CAMK2A: variants seen among roughly 807,000 people sequenced by gnomAD.
CAMK2A encodes calcium/calmodulin-dependent protein kinase type II subunit alpha.
CAMK2A carries 7 observed loss-of-function variants against 79.2 expected under a neutral mutation model. The ratio of observed to expected loss-of-function variants is 0.09; its 90% CI spans 0.05 to 0.17. The LOEUF (loss-of-function observed/expected upper bound fraction) is 0.17, where lower values mean the gene tolerates loss of function less well. Ranked by LOEUF, CAMK2A falls within the 10% of genes least tolerant of loss-of-function variation. The pLI is 1.00. For missense variants in CAMK2A, 214 were observed against 646.4 expected, an observed-to-expected ratio of 0.33 and a Z score of 7.25; for synonymous variants, 242 against 251.7, an observed-to-expected ratio of 0.96 and a Z score of 0.36.
intron 1 of CAMK2A, among the ~76,000 whole-genome samples, chr5:150,286,419 C>T (rs573611910): frequency 6.6e-6 from 1 of 152,356 alleles, no homozygotes; most frequent in East Asian, 1.9e-4. Context: ...ATAGCCAGCC[C>T]TATCCGGGGC....
intron 14 of CAMK2A, among the ~76,000 whole-genome samples, chr5:150,239,190 G>A (rs1755228789): frequency 6.6e-6 from 1 of 152,088 alleles, no homozygotes; most frequent in Non-Finnish European, 1.5e-5. Flanking sequence ...GTGAGACAGC[G>A]ATGGAACCAG....
chr5:150,283,024 T>A (rs1757278465), intron 1 of CAMK2A, among the ~76,000 whole-genome samples: 3 of 152,214 alleles, frequency 2.0e-5, no homozygotes, highest in East Asian at 1.9e-4. Context: ...TCTGCAGACA[T>A]AAGATGTTGG....
chr5:150,268,426 G>A (rs1409228142), intron 2 of CAMK2A, among the ~76,000 whole-genome samples: 1 of 152,082 alleles, frequency 6.6e-6, no homozygotes, highest in African/African-American at 2.4e-5. Context: ...GGCAGGCCCC[G>A]GCACAACGTC....
chr5:150,228,146 G>T, intron 17 of CAMK2A, 46 bp downstream of exon 17: 1 of 1,503,218 alleles, frequency 6.7e-7, no homozygotes, highest in Non-Finnish European at 9.2e-7. Flanking sequence ...GCAGGACATG[G>T]AACGAGAGCA....
chr5:150,272,525 T>G (rs112300282), intron 2 of CAMK2A, among the ~76,000 whole-genome samples: 27,260 of 147,068 alleles, frequency 0.19, 2,584 homozygotes, highest in East Asian at 0.21. Context: ...TGAGCCAAGA[T>G]CGCACCATTG....
At chr5:150,288,907 G>A (rs936108670) in intron 1 of CAMK2A, among the ~76,000 whole-genome samples, 5 of 152,164 alleles carry the variant, frequency 3.3e-5, no homozygotes, top group Admixed American at 6.5e-5. Context: ...TCATACCCTA[G>A]CCCCTGAAAC....
At chr5:150,260,796 A>G (rs1216959178) in intron 3 of CAMK2A, among the ~76,000 whole-genome samples, 5 of 152,236 alleles carry the variant, frequency 3.3e-5, no homozygotes, top group Admixed American at 6.5e-5. Flanking sequence ...TATCTGCAAT[A>G]AACTTGTATT....
intron 15 of CAMK2A, among the ~76,000 whole-genome samples, chr5:150,233,600 G>A (rs974813223): frequency 6.6e-6 from 1 of 152,142 alleles, no homozygotes; most frequent in African/African-American, 2.4e-5. Context: ...GAATGAATGA[G>A]TGAATGGGAC....
chr5:150,250,576 G>T, intron 10 of CAMK2A, 112 bp downstream of exon 10: 1 of 1,435,090 alleles, frequency 7.0e-7, no homozygotes, highest in South Asian at 1.3e-5. Context: ...GCAGTCTCTT[G>T]GATTAAGCCC....
chr5:150,227,789 G>T lies in CAMK2A; in HGVS notation c.1237+403C>A, dbSNP rs553934493. On this transcript the variant is annotated intron_variant, in intron 17 of 18. Transcript: ENST00000671881. ...CGTAACAACCCACCAGCCAGCTTGT[G>T]ACCAGCTGGGCAGCTGGGATGGCCC... is the stretch of plus-strand genomic sequence containing the variant. Among the ~76,000 whole-genome samples the T allele has an allele frequency of 2.0e-5, 3 of 152,330 alleles. No individual in the cohort carries two copies. The East Asian group carries it at 5.8e-4, about 29-fold the overall frequency.
intron 3 of CAMK2A, among the ~76,000 whole-genome samples, chr5:150,262,243 C>T (rs1025901031): frequency 4.6e-5 from 7 of 152,172 alleles, no homozygotes; most frequent in African/African-American, 1.2e-4. Context: ...ACAGAAGCAG[C>T]GACCAGTAGT....
intron 1 of CAMK2A, among the ~76,000 whole-genome samples, chr5:150,277,162 T>TGA (rs1478535039): frequency 6.6e-6 from 1 of 152,122 alleles, no homozygotes; most frequent in Admixed American, 6.5e-5. Flanking sequence ...TGCAGTGAGC[T>TGA]GAGATAGCAT....
At chr5:150,278,090 C>T (rs752899834) in intron 1 of CAMK2A, among the ~76,000 whole-genome samples, 3 of 152,206 alleles carry the variant, frequency 2.0e-5, no homozygotes, top group Non-Finnish European at 2.9e-5. Context: ...CACCTTTCTG[C>T]GTCTTCCTGT....
At chr5:150,268,121 G>T (rs946807318) in intron 2 of CAMK2A, among the ~76,000 whole-genome samples, 8 of 151,964 alleles carry the variant, frequency 5.3e-5, no homozygotes, top group Non-Finnish European at 1.2e-4. Flanking sequence ...CTTGTGATCC[G>T]CCCGCCTTGC....
chr5:150,231,181 C>G (rs1754822147), intron 16 of CAMK2A, 124 bp downstream of exon 16: 1 of 502,460 alleles, frequency 2.0e-6, no homozygotes, highest in African/African-American at 2.0e-5. Context: ...TGAGTTCAGC[C>G]CGATTCACAG....
intron 2 of CAMK2A, among the ~76,000 whole-genome samples, chr5:150,270,605 G>A (rs574492901): frequency 7.5e-5 from 10 of 133,016 alleles, no homozygotes; most frequent in African/African-American, 2.2e-4. Context: ...CCCCGCCCCC[G>A]AGGCACCATG....
At chr5:150,239,174 G>A (rs886187683) in intron 14 of CAMK2A, among the ~76,000 whole-genome samples, 4 of 152,100 alleles carry the variant, frequency 2.6e-5, no homozygotes, top group Admixed American at 6.5e-5. Flanking sequence ...AAAACCACAC[G>A]ACTGAGTGAG....
intron 2 of CAMK2A, 36 bp downstream of exon 2, chr5:150,273,029 C>T (rs776413047): frequency 1.3e-6 from 2 of 1,522,836 alleles, no homozygotes; most frequent in South Asian, 2.2e-5. Flanking sequence ...AGAGGAGAGC[C>T]CTGGAGGGTG....
At chr5:150,245,083 C>T (rs1166397576) in intron 13 of CAMK2A, 78 bp downstream of exon 13, 1 of 1,443,192 alleles carries the variant, frequency 6.9e-7, no homozygotes, top group Non-Finnish European at 9.7e-7. Context: ...CCGGGTCTTG[C>T]TCCAGGCCTG....
Sources: gnomAD v4.1 joint callset for allele counts (sites outside exome capture counted in the v4.1 genomes callset) on GRCh38, gnomAD v4.1.1 for gene constraint, MANE v1.5 for transcripts, NCBI Gene and HGNC (gene_info 2026-07-23, HGNC 2026-07-21) for gene names.